Variants in RASAL2 observed in about 807,000 individuals in gnomAD.
RASAL2 encodes the protein ras GTPase-activating protein nGAP.
In RASAL2, 58 loss-of-function variants were observed where a neutral mutation model predicts 128.9. The ratio of observed to expected loss-of-function variants is 0.45; its 90% CI spans 0.36 to 0.56. The LOEUF (loss-of-function observed/expected upper bound fraction) is 0.56, where lower values mean the gene tolerates loss of function less well. Among genes scored for constraint, RASAL2 ranks in the 20% least tolerant of loss-of-function variants. The pLI, the probability that RASAL2 is intolerant of heterozygous loss-of-function variation, is 0.00. For synonymous variants in RASAL2, 561 were observed against 580.8 expected, an observed-to-expected ratio of 0.97 and a Z score of 0.49; for missense variants, 1,360 against 1,601.6, an observed-to-expected ratio of 0.85 and a Z score of 2.57.
At chr1:178,399,471 A>G (rs1673474762) in intron 4 of RASAL2, among the ~76,000 whole-genome samples, 1 of 152,126 alleles carries the variant, frequency 6.6e-6, no homozygotes, top group Non-Finnish European at 1.5e-5. Flanking sequence ...GGGAAGAAGC[A>G]TCAGCCTCCC....
intron 1 of RASAL2, among the ~76,000 whole-genome samples, chr1:178,183,956 C>T (rs571730215): frequency 6.6e-6 from 1 of 152,258 alleles, no homozygotes; most frequent in South Asian, 2.1e-4. Context: ...TCTGTATCCT[C>T]ACCAGCAGTT....
chr1:178,457,471 A>G (rs1424417575), intron 13 of RASAL2, among the ~76,000 whole-genome samples: 1 of 152,244 alleles, frequency 6.6e-6, no homozygotes, highest in African/African-American at 2.4e-5. Context: ...TGGTATCTAC[A>G]GTGTTATTCT....
chr1:178,461,744 T>C (rs1006682984), intron 14 of RASAL2, among the ~76,000 whole-genome samples: 2 of 152,224 alleles, frequency 1.3e-5, no homozygotes, highest in African/African-American at 4.8e-5. Flanking sequence ...TCCCAAAGTT[T>C]GTGGATTAAT....
chr1:178,322,052 C>CA (rs925383400), intron 3 of RASAL2, among the ~76,000 whole-genome samples: 1 of 151,654 alleles, frequency 6.6e-6, no homozygotes, highest in Non-Finnish European at 1.5e-5. Flanking sequence ...AGGCTGGTCT[C>CA]AAACTCCTCA....
intron 1 of RASAL2, among the ~76,000 whole-genome samples, chr1:178,150,370 G>A (rs539799979): frequency 1.3e-5 from 2 of 151,976 alleles, no homozygotes; most frequent in Non-Finnish European, 2.9e-5. Flanking sequence ...ATTTTTAGTA[G>A]AGACAGGGTT....
At chr1:178,355,990 G>A (rs372731563) in intron 3 of RASAL2, among the ~76,000 whole-genome samples, 10 of 152,054 alleles carry the variant, frequency 6.6e-5, no homozygotes, top group Admixed American at 1.3e-4. Flanking sequence ...CCAGGATGGC[G>A]AAACCCCATC....
At chr1:178,279,594 A>AC (rs112778134) in intron 1 of RASAL2, among the ~76,000 whole-genome samples, 7,662 of 151,726 alleles carry the variant, frequency 0.05, 282 homozygotes, top group African/African-American at 0.11. Flanking sequence ...GATCTCCAGG[A>AC]CCCCCCCGAT....
chr1:178,362,245 T>G (rs2102482690), intron 3 of RASAL2, among the ~76,000 whole-genome samples: 1 of 152,312 alleles, frequency 6.6e-6, no homozygotes, highest in East Asian at 1.9e-4. Context: ...ATACAAATAC[T>G]GTGCCCTCTT....
At chr1:178,282,413 A>G (rs1413519083) in intron 1 of RASAL2, among the ~76,000 whole-genome samples, 1 of 152,206 alleles carries the variant, frequency 6.6e-6, no homozygotes, top group East Asian at 1.9e-4. Context: ...CTAACGTTCT[A>G]CAGAACTCCA....
intron 1 of RASAL2, among the ~76,000 whole-genome samples, chr1:178,098,032 T>G (rs986537510): frequency 3.3e-5 from 5 of 152,248 alleles, no homozygotes; most frequent in African/African-American, 1.2e-4. Context: ...TTGTGCTGTC[T>G]GTCCTAATCT....
intron 5 of RASAL2, among the ~76,000 whole-genome samples, chr1:178,431,842 A>G (rs1675926635): frequency 2.0e-5 from 3 of 150,060 alleles, no homozygotes; most frequent in South Asian, 4.2e-4. Context: ...GTATATATAG[A>G]CATATATGTT....
chr1:178,135,757 C>T (rs1195200150), intron 1 of RASAL2, among the ~76,000 whole-genome samples: 2 of 152,068 alleles, frequency 1.3e-5, no homozygotes, highest in African/African-American at 4.8e-5. Flanking sequence ...GGAAGCCTCA[C>T]AATAATGGTG....
At chr1:178,323,240 C>CT (rs761669186) in intron 3 of RASAL2, among the ~76,000 whole-genome samples, 12 of 152,180 alleles carry the variant, frequency 7.9e-5, no homozygotes, top group Non-Finnish European at 1.2e-4. Flanking sequence ...AAGATTGTAT[C>CT]TTACTCACCT....
intron 3 of RASAL2, among the ~76,000 whole-genome samples, chr1:178,361,936 A>G (rs981231543): frequency 1.6e-4 from 24 of 151,876 alleles, no homozygotes; most frequent in African/African-American, 5.8e-4. Flanking sequence ...CGCAACCTAG[A>G]TCCCTTGCAT....
intron 12 of RASAL2, 139 bp from the exon 13 acceptor site, chr1:178,456,582 C>A: frequency 1.2e-6 from 1 of 863,510 alleles, no homozygotes; most frequent in South Asian, 1.4e-5. Context: ...CATTATGAAC[C>A]TGCCACTCCC....
chr1:178,136,912 AG>A (rs1392656026), intron 1 of RASAL2, among the ~76,000 whole-genome samples: 1 of 152,120 alleles, frequency 6.6e-6, no homozygotes, highest in Non-Finnish European at 1.5e-5. Context: ...GAAGAAGAAA[AG>A]CTTGACAATT....
chr1:178,180,943 C>A (rs888606169), intron 1 of RASAL2, among the ~76,000 whole-genome samples: 1 of 151,960 alleles, frequency 6.6e-6, no homozygotes, highest in Non-Finnish European at 1.5e-5. Context: ...GAAACAGATA[C>A]ACATTTCTTC....
chr1:178,413,713 C>T (rs1026878957), intron 4 of RASAL2, among the ~76,000 whole-genome samples: 4 of 152,024 alleles, frequency 2.6e-5, no homozygotes, highest in Admixed American at 2.6e-4. Context: ...ATTATCAGAT[C>T]GGAAACTTAA....
Position 178,467,440 on chromosome 1 carries a change from T to C in RASAL2, c.3678+19T>C, listed in dbSNP as rs1187396769. 1 of 1,597,870 alleles carries C rather than the reference T, an allele frequency of 6.3e-7. No homozygotes were observed. The highest frequency in any genetic ancestry group is 1.7e-5 in the Admixed American group (1 of 59,976). ...TGCACAGGTAAGCAGGCTTTGAATC[T>C]AATAGAAGGCACTTGTTTATAGTAA... On this transcript the variant is annotated intron_variant, in intron 17 of 17. Transcript: ENST00000367649.
Sources: gnomAD v4.1 joint callset for allele counts (sites outside exome capture counted in the v4.1 genomes callset) on GRCh38, gnomAD v4.1.1 for gene constraint, MANE v1.5 for transcripts, NCBI Gene and HGNC (gene_info 2026-07-23, HGNC 2026-07-21) for gene names.